The following ENTREP2 variants were observed in gnomAD, a reference collection of about 807,000 sequenced individuals.
ENTREP2 encodes the protein protein ENTREP2.
the ENTREP2 span, chr15:29,136,261 C>A: frequency 7.8e-7 from 1 of 1,276,368 alleles, no homozygotes; most frequent in Non-Finnish European, 1.0e-6. Context: ...CACCTCACAG[C>A]CAGCTCGGAC....
chr15:29,573,561 T>G, the ENTREP2 span, among the ~76,000 whole-genome samples: 1 of 152,188 alleles, frequency 6.6e-6, no homozygotes, highest in Non-Finnish European at 1.5e-5. Flanking sequence ...CGGAACTTCC[T>G]TATCATGTCT....
chr15:29,466,436 C>A, the ENTREP2 span, among the ~76,000 whole-genome samples: 1 of 141,286 alleles, frequency 7.1e-6, no homozygotes, highest in African/African-American at 2.6e-5. Flanking sequence ...ACTGCTGCAC[C>A]CAGGGGAGGG....
At chr15:29,486,612 C>G in the ENTREP2 span, among the ~76,000 whole-genome samples, 2 of 152,128 alleles carry the variant, frequency 1.3e-5, no homozygotes, top group African/African-American at 4.8e-5. Flanking sequence ...ATCGCTTGGA[C>G]CTGGGAGGCA....
the ENTREP2 span, among the ~76,000 whole-genome samples, chr15:29,446,712 GTAGGT>G: frequency 8.5e-5 from 13 of 152,206 alleles, no homozygotes; most frequent in African/African-American, 3.1e-4. Context: ...TTGCATTTCT[GTAGGT>G]TAGAAGTCCC....
At chr15:29,345,699 C>T in the ENTREP2 span, among the ~76,000 whole-genome samples, 1 of 152,012 alleles carries the variant, frequency 6.6e-6, no homozygotes, top group African/African-American at 2.4e-5. Context: ...ACATCCCCCC[C>T]AGCTCCTCAC....
the ENTREP2 span, among the ~76,000 whole-genome samples, chr15:29,315,590 T>C: frequency 6.6e-6 from 1 of 152,106 alleles, no homozygotes; most frequent in South Asian, 2.1e-4. Context: ...GAAACTTAAA[T>C]GGAGACAGAG....
At chr15:29,535,016 C>A in the ENTREP2 span, among the ~76,000 whole-genome samples, 13 of 151,912 alleles carry the variant, frequency 8.6e-5, no homozygotes, top group African/African-American at 3.1e-4. Context: ...GAGGCTGATG[C>A]AGGAAGATCA....
chr15:29,519,159 TCA>T, the ENTREP2 span, among the ~76,000 whole-genome samples: 40 of 146,952 alleles, frequency 2.7e-4, no homozygotes, highest in Admixed American at 2.7e-4. Context: ...TCTCTCTCTC[TCA>T]CACACACACA....
At chr15:29,198,461 A>G in the ENTREP2 span, among the ~76,000 whole-genome samples, 1 of 152,240 alleles carries the variant, frequency 6.6e-6, no homozygotes, top group African/African-American at 2.4e-5. Context: ...GCTAATCCAC[A>G]TCCTCACCAA....
the ENTREP2 span, among the ~76,000 whole-genome samples, chr15:29,318,037 A>G: frequency 5.9e-5 from 9 of 152,294 alleles, no homozygotes; most frequent in East Asian, 1.7e-3. Flanking sequence ...ACTCCTGATT[A>G]GAGGTGTAAA....
the ENTREP2 span, among the ~76,000 whole-genome samples, chr15:29,143,990 G>A: frequency 1.3e-5 from 2 of 152,152 alleles, no homozygotes; most frequent in African/African-American, 4.8e-5. Flanking sequence ...AACACATTTC[G>A]CCTGGAACTA....
the ENTREP2 span, among the ~76,000 whole-genome samples, chr15:29,148,295 T>C: frequency 6.6e-6 from 1 of 152,208 alleles, no homozygotes; most frequent in Admixed American, 6.5e-5. Flanking sequence ...AGGTGAATTG[T>C]ATCTCAAGAC....
At chr15:29,545,998 G>C in the ENTREP2 span, among the ~76,000 whole-genome samples, 1 of 152,182 alleles carries the variant, frequency 6.6e-6, no homozygotes, top group Non-Finnish European at 1.5e-5. Flanking sequence ...ATTTCACAAA[G>C]AGGTTCAACA....
At chr15:29,417,644 A>C in the ENTREP2 span, among the ~76,000 whole-genome samples, 1 of 151,888 alleles carries the variant, frequency 6.6e-6, no homozygotes, top group African/African-American at 2.4e-5. Flanking sequence ...AAAGTATAAT[A>C]ATAATAAAAT....
chr15:29,307,372 T>A, the ENTREP2 span, among the ~76,000 whole-genome samples: 2 of 152,180 alleles, frequency 1.3e-5, no homozygotes, highest in Non-Finnish European at 2.9e-5. Flanking sequence ...ATCATAATCA[T>A]CACTTTAACA....
At chr15:29,223,985 A>G in the ENTREP2 span, among the ~76,000 whole-genome samples, 1 of 152,192 alleles carries the variant, frequency 6.6e-6, no homozygotes, top group East Asian at 1.9e-4. Flanking sequence ...CTGTACTCAG[A>G]AGTGTGTCCA....
chr15:29,363,133 A>G, the ENTREP2 span, among the ~76,000 whole-genome samples: 360 of 152,280 alleles, frequency 2.4e-3, no homozygotes, highest in African/African-American at 8.4e-3. Context: ...TGAAAGCTTC[A>G]TCTTTAATGT....
At chr15:29,137,571 A>T in the ENTREP2 span, among the ~76,000 whole-genome samples, 1 of 152,190 alleles carries the variant, frequency 6.6e-6, no homozygotes, top group Non-Finnish European at 1.5e-5. Flanking sequence ...GTGGTGGCTC[A>T]TGCCTGTAAT....
At chr15:29,190,231 GT>G in the ENTREP2 span, among the ~76,000 whole-genome samples, 1 of 152,176 alleles carries the variant, frequency 6.6e-6, no homozygotes, top group East Asian at 1.9e-4. Context: ...GTGAATCCCT[GT>G]GTGGTGTGGT....
Sources: allele counts gnomAD v4.1 joint callset (sites outside exome capture counted in the v4.1 genomes callset), GRCh38; gene constraint gnomAD v4.1.1; transcripts MANE v1.5; gene names NCBI Gene and HGNC (gene_info 2026-07-23, HGNC 2026-07-21).